Variants in NAALADL2 observed in about 807,000 individuals in gnomAD.
NAALADL2 encodes inactive N-acetylated-alpha-linked acidic dipeptidase-like protein 2.
A neutral mutation model predicts 87.2 loss-of-function variants in NAALADL2; 76 were observed. That is an observed-to-expected ratio of 0.87 (90% CI 0.72 to 1.05). The LOEUF (loss-of-function observed/expected upper bound fraction) is 1.05, where lower values mean the gene tolerates loss of function less well. Ranked by LOEUF, NAALADL2 falls within the 50% of genes least tolerant of loss-of-function variation. NAALADL2 has a pLI of 0.00. For synonymous variants in NAALADL2, 354 were observed against 331.0 expected (o/e 1.07, Z -0.75); for missense variants, 1,089 against 945.8 (o/e 1.15, Z -1.99).
intron 2 of NAALADL2, among the ~76,000 whole-genome samples, chr3:175,120,945 A>C (rs1320027844): frequency 6.6e-6 from 1 of 151,876 alleles, no homozygotes. Context: ...TCTTTCATAA[A>C]GCTATATATT....
intron 2 of NAALADL2, among the ~76,000 whole-genome samples, chr3:174,571,569 A>G (rs1008467338): frequency 1.3e-5 from 2 of 151,848 alleles, no homozygotes; most frequent in Non-Finnish European, 2.9e-5. Flanking sequence ...AGTAGAGACG[A>G]GGTTTCTCCA....
chr3:174,955,485 T>A (rs759930186), intron 1 of NAALADL2, among the ~76,000 whole-genome samples: 5 of 152,050 alleles, frequency 3.3e-5, no homozygotes, highest in Non-Finnish European at 7.4e-5. Context: ...TACTTAATGA[T>A]CAGCTAATAA....
chr3:174,721,615 A>G (rs1232699589), intron 2 of NAALADL2, among the ~76,000 whole-genome samples: 1 of 152,228 alleles, frequency 6.6e-6, no homozygotes. Context: ...GAGAGCTCGA[A>G]GCAGCAGAAT....
chr3:174,862,817 T>C (rs1334583344), intron 1 of NAALADL2, among the ~76,000 whole-genome samples: 1 of 152,136 alleles, frequency 6.6e-6, no homozygotes, highest in African/African-American at 2.4e-5. Context: ...ACCAGCTGCC[T>C]GGATGTTTTG....
chr3:174,888,016 A>T (rs1730393913), intron 1 of NAALADL2, among the ~76,000 whole-genome samples: 2 of 152,162 alleles, frequency 1.3e-5, no homozygotes, highest in Non-Finnish European at 2.9e-5. Flanking sequence ...AGGAAAGCTG[A>T]TCGCTTTGGA....
At chr3:174,882,440 T>C (rs1006660927) in intron 1 of NAALADL2, among the ~76,000 whole-genome samples, 1 of 151,360 alleles carries the variant, frequency 6.6e-6, no homozygotes, top group Non-Finnish European at 1.5e-5. Flanking sequence ...TGTGTGTGTA[T>C]ATATGTGTGT....
intron 11 of NAALADL2, among the ~76,000 whole-genome samples, chr3:175,715,624 C>G (rs1582991422): frequency 2.0e-5 from 3 of 152,026 alleles, no homozygotes; most frequent in African/African-American, 7.2e-5. Flanking sequence ...ACCTGTAACC[C>G]CAGCACTTTT....
chr3:174,755,067 G>A (rs573894098), intron 3 of NAALADL2, among the ~76,000 whole-genome samples: 180 of 152,248 alleles, frequency 1.2e-3, no homozygotes, highest in African/African-American at 4.2e-3. Flanking sequence ...GGAGAGACCC[G>A]GTGGAGGTGA....
intron 2 of NAALADL2, among the ~76,000 whole-genome samples, chr3:174,696,593 TAAA>T (rs62946360): frequency 0.52 from 57,775 of 110,880 alleles, 13,063 homozygotes; most frequent in East Asian, 0.75. Flanking sequence ...TGTAGTTATC[TAAA>T]AAAAAAAAAA....
rs771042150 is a variant in NAALADL2, at chr3:174,566,581, C to T, written c.-115+15944C>T. On this transcript the variant is annotated intron_variant, in intron 2 of 3. Coordinates refer to the NAALADL2 transcript ENST00000434257. Reference sequence around the variant, plus strand: ...TTTTCCTTTTTTTCACACTCCACTTCTCGTTCTCTGTTTAAAGTTATCTTA... The same window carrying T: ...TTTTCCTTTTTTTCACACTCCACTTTTCGTTCTCTGTTTAAAGTTATCTTA... Among the ~76,000 whole-genome samples, 106 of 151,754 alleles carry T rather than the reference C, an allele frequency of 7.0e-4. 1 individual carries two copies. The highest frequency in any genetic ancestry group is 1.4e-3 in the Admixed American group (22 of 15,190).
intron 11 of NAALADL2, among the ~76,000 whole-genome samples, chr3:175,673,794 A>T (rs1734330212): frequency 6.6e-6 from 1 of 152,152 alleles, no homozygotes; most frequent in Admixed American, 6.6e-5. Context: ...TAAAAATTTT[A>T]AAAGTTAAAC....
intron 5 of NAALADL2, among the ~76,000 whole-genome samples, chr3:175,413,253 G>A (rs1357984471): frequency 6.7e-6 from 1 of 149,208 alleles, no homozygotes; most frequent in African/African-American, 2.5e-5. Context: ...TGGCTAACAT[G>A]GTGAAAGCCC....
chr3:174,627,184 A>G (rs1302597998), intron 2 of NAALADL2, among the ~76,000 whole-genome samples: 1 of 152,162 alleles, frequency 6.6e-6, no homozygotes, highest in African/African-American at 2.4e-5. Flanking sequence ...GCAGTGAATA[A>G]ATTATTTCAA....
chr3:175,141,323 G>A (rs1036004601), intron 2 of NAALADL2, among the ~76,000 whole-genome samples: 2 of 151,914 alleles, frequency 1.3e-5, no homozygotes, highest in Admixed American at 6.6e-5. Flanking sequence ...AAGTTTAGAT[G>A]CCAGTTATGG....
chr3:175,665,571 G>T (rs1258828367), intron 11 of NAALADL2, among the ~76,000 whole-genome samples: 1 of 152,140 alleles, frequency 6.6e-6, no homozygotes, highest in Admixed American at 6.6e-5. Flanking sequence ...AAGTCTGTCA[G>T]TATTCAAGCT....
At chr3:174,894,613 A>ACTCC in intron 1 of NAALADL2, among the ~76,000 whole-genome samples, 1 of 41,318 alleles carries the variant, frequency 2.4e-5, no homozygotes, top group East Asian at 2.1e-3. Flanking sequence ...AAAAAAAAAA[A>ACTCC]AAAAAAAAAA....
intron 1 of NAALADL2, among the ~76,000 whole-genome samples, chr3:174,925,698 A>T (rs1439820547): frequency 1.3e-5 from 2 of 152,122 alleles, no homozygotes; most frequent in Non-Finnish European, 2.9e-5. Flanking sequence ...GATTCTTCCT[A>T]TCCATGAACA....
At position 175,191,682 on chromosome 3, in the gene NAALADL2, T is replaced by TATA. The variant is rs1738231783; in HGVS notation, c.546-42246_546-42244dup. Among the ~76,000 whole-genome samples the TATA allele has an allele frequency of 3.9e-5, 6 of 152,316 alleles. No homozygotes were observed. The South Asian group carries it at 1.2e-3, about 32-fold the overall frequency. ...TAAAGTTTATTTGATCCCCAAAAGATATAATGTACGCATTTTGGTTTTATT... is the reference window on the plus strand; with the variant it reads ...TAAAGTTTATTTGATCCCCAAAAGATATAATAATGTACGCATTTTGGTTTTATT... On this transcript the variant is annotated intron_variant, in intron 2 of 13. Transcript: ENST00000454872.
intron 1 of NAALADL2, among the ~76,000 whole-genome samples, chr3:174,929,822 T>C (rs1736611023): frequency 6.6e-6 from 1 of 152,192 alleles, no homozygotes; most frequent in Admixed American, 6.5e-5. Context: ...TCTGTAACTT[T>C]AGCCAACTTA....
Sources: allele counts gnomAD v4.1 joint callset (sites outside exome capture counted in the v4.1 genomes callset), GRCh38; gene constraint gnomAD v4.1.1; transcripts MANE v1.5; gene names NCBI Gene and HGNC (gene_info 2026-07-23, HGNC 2026-07-21).